VPS13D: variants seen among roughly 807,000 people sequenced by gnomAD.
VPS13D encodes vacuolar protein sorting 13 homolog D.
In VPS13D, 187 loss-of-function variants were observed where a neutral mutation model predicts 461.9. That is an observed-to-expected ratio of 0.40 (90% CI 0.36 to 0.46). The LOEUF is 0.46. Among genes scored for constraint, VPS13D ranks in the 20% least tolerant of loss-of-function variants. The pLI is 0.60. For synonymous variants in VPS13D, 1,951 were observed against 1,986.3 expected, an observed-to-expected ratio of 0.98 and a Z score of 0.47; for missense variants, 4,711 against 5,364.9, an observed-to-expected ratio of 0.88 and a Z score of 3.81.
In VPS13D at chr1:12,267,861, G is replaced by C; in HGVS notation, c.1742G>C (p.Arg581Thr). Residue 581 changes from arginine (R) to threonine (T), a missense_variant, in exon 15 of 70, where the codon AGA becomes ACA. Physicochemically the swap from Arg to Thr is moderately conservative, Grantham distance 71. Transcript: ENST00000620676. ...GTTTAATAGCAAAAAGAAGTTGGCA[G>C]AGTCTCACAATCTTTTGGTCTACAA... is the stretch of plus-strand genomic sequence containing the variant. The part of the protein sequence containing the change: ...VFPNPQKEVG[R>T]VSQSFGLQTT... 1 of 1,614,190 alleles carries C rather than the reference G, an allele frequency of 6.2e-7. No individual in the cohort carries two copies. The highest frequency in any genetic ancestry group is 8.5e-7 in the Non-Finnish European group (1 of 1,180,004).
intron 11 of VPS13D, 25 bp downstream of exon 11, chr1:12,260,819 T>G: frequency 6.2e-7 from 1 of 1,613,122 alleles, no homozygotes; most frequent in Non-Finnish European, 8.5e-7. Flanking sequence ...ACAAGAGGAT[T>G]TGTTCAGACC....
chr1:12,385,071 A>G (rs1443413691), intron 58 of VPS13D, among the ~76,000 whole-genome samples, 189 bp from the exon 59 acceptor site: 2 of 152,258 alleles, frequency 1.3e-5, no homozygotes, highest in Non-Finnish European at 2.9e-5. Context: ...TGAGTTTGCC[A>G]TGCAGACTTG....
intron 14 of VPS13D, 23 bp from the exon 15 acceptor site, chr1:12,267,822 A>G (rs1173223339): frequency 1.9e-6 from 3 of 1,612,874 alleles, no homozygotes; most frequent in Admixed American, 1.7e-5. Flanking sequence ...ACGTTTACGC[A>G]TTTTTGTGTG....
intron 21 of VPS13D, among the ~76,000 whole-genome samples, chr1:12,287,263 C>T (rs947291358): frequency 3.9e-5 from 6 of 152,220 alleles, no homozygotes; most frequent in African/African-American, 1.4e-4. Context: ...GAGTTCCCCC[C>T]ACAAAGTCAT....
chr1:12,249,323 A>T lies in VPS13D; in HGVS notation c.548A>T (p.Asn183Ile). The T allele has an allele frequency of 6.2e-7, 1 of 1,613,252 alleles. No homozygotes were observed. Among genetic ancestry groups the T allele is most frequent in the Non-Finnish European group, 8.5e-7 (1 of 1,179,586 alleles). ...TGCATTAAGAATGTGTCCATGCAAA[A>T]TGCTGTGAATGAGCCTGTGAGTATG... Reference protein sequence around the residue: ...GICIKNVSMQNAVNEPVQKLM... With the variant: ...GICIKNVSMQIAVNEPVQKLM... Residue 183 changes from asparagine to isoleucine, a missense_variant, in exon 6 of 70, where the codon AAT becomes ATT. By Grantham distance (149) the Asn-to-Ile change is moderately radical (BLOSUM62 -3). Coordinates refer to ENST00000620676, the MANE Select transcript of VPS13D (RefSeq NM_015378.4).
At chr1:12,417,014 T>C (rs1003265273) in intron 65 of VPS13D, among the ~76,000 whole-genome samples, 187 bp downstream of exon 65, 1 of 152,160 alleles carries the variant, frequency 6.6e-6, no homozygotes, top group African/African-American at 2.4e-5. Context: ...ACCTCTGAAA[T>C]ACCTCTTCCT....
rs115901386 is a variant in VPS13D, at chr1:12,450,038, G to A, written c.12334-5960G>A. On this transcript the variant is annotated intron_variant, in intron 65 of 69. Coordinates refer to ENST00000620676, the MANE Select transcript of VPS13D (RefSeq NM_015378.4). ...TACGGGAGGCTGAGGCATGAGAACC[G>A]CTTGAACCCAGGAGGTGGAGGTTGC... Among the ~76,000 whole-genome samples the A allele has an allele frequency of 6.1e-3, 927 of 152,178 alleles. 5 individuals carry two copies. The highest frequency in any genetic ancestry group is 0.01 in the Non-Finnish European group (706 of 68,000).
intron 52 of VPS13D, among the ~76,000 whole-genome samples, chr1:12,365,443 C>T (rs1455205367): frequency 6.6e-6 from 1 of 152,136 alleles, no homozygotes; most frequent in Non-Finnish European, 1.5e-5. Context: ...TGGTGGCTCA[C>T]GCCTGTAATC....
Position 12,370,390 on chromosome 1 carries a change from A to T in VPS13D, c.10808+688A>T, listed in dbSNP as rs79718316. The stretch of plus-strand genomic sequence containing the variant: ...TCTGTGAAGAAATGGAAAATAGCTT[A>T]ATCTTTAACATTACAAATATAAATC... On this transcript the variant is annotated intron_variant, in intron 54 of 69. Coordinates refer to ENST00000620676, the MANE Select transcript of VPS13D (RefSeq NM_015378.4). Among the ~76,000 whole-genome samples the T allele has an allele frequency of 2.0e-5, 3 of 152,384 alleles. No homozygotes were observed. In the South Asian group the frequency reaches 6.2e-4, roughly 32 times the overall value.
At chr1:12,320,315 G>A (rs980861736) in intron 32 of VPS13D, among the ~76,000 whole-genome samples, 3 of 152,188 alleles carry the variant, frequency 2.0e-5, no homozygotes, top group African/African-American at 4.8e-5. Context: ...AAGGGGAATC[G>A]TGGCAGGTTC....
At chr1:12,479,042 G>A (rs1645675533) in intron 67 of VPS13D, among the ~76,000 whole-genome samples, 1 of 152,194 alleles carries the variant, frequency 6.6e-6, no homozygotes, top group Non-Finnish European at 1.5e-5. Context: ...TGGCCTGTGA[G>A]CCCAGAGTTC....
In VPS13D at chr1:12,401,761, G is replaced by T. The variant is rs192390519; in HGVS notation, c.11881+57G>T. On this transcript the variant is annotated intron_variant, in intron 62 of 69. Transcript: ENST00000620676. ...GAATTGGTCCAAAGATGGTATTTTT[G>T]AGTCTGTTTGTAAAAATAGGTAGCC... 6.2e-5 allele frequency: 91 copies of T among 1,458,744 alleles called. 1 individual carries two copies. The East Asian group carries it at 2.0e-3, about 32-fold the overall frequency. 90.4% of individuals were successfully genotyped at this position (1,458,744 alleles called of 1,614,324 possible). A position where few individuals can be genotyped will look rare whatever the true frequency, so the allele number is the denominator to read the frequency against.
At chr1:12,349,426 T>C (rs542022576) in intron 46 of VPS13D, 52 bp downstream of exon 46, 2 of 1,523,058 alleles carry the variant, frequency 1.3e-6, no homozygotes, top group East Asian at 2.3e-5. Context: ...TTTTTTCTTT[T>C]GGAATGACTA....
chr1:12,241,444 G>T (rs1391275760), intron 2 of VPS13D, among the ~76,000 whole-genome samples: 1 of 152,242 alleles, frequency 6.6e-6, no homozygotes, highest in Non-Finnish European at 1.5e-5. Flanking sequence ...ATTGCCTTGT[G>T]TCTCGCAAAC....
At chr1:12,420,640 C>T (rs1028039563) in intron 65 of VPS13D, among the ~76,000 whole-genome samples, 1 of 152,146 alleles carries the variant, frequency 6.6e-6, no homozygotes, top group Non-Finnish European at 1.5e-5. Context: ...ATTCTTGCCT[C>T]CAAAGATTGT....
intron 66 of VPS13D, among the ~76,000 whole-genome samples, chr1:12,456,608 A>G (rs943271091): frequency 5.0e-5 from 7 of 138,976 alleles, no homozygotes; most frequent in African/African-American, 1.9e-4. Flanking sequence ...ACTGCACTCC[A>G]GCCTGGCAAC....
At chr1:12,405,021 C>T (rs1056447232) in intron 63 of VPS13D, among the ~76,000 whole-genome samples, 3 of 152,198 alleles carry the variant, frequency 2.0e-5, no homozygotes, top group South Asian at 2.1e-4. Context: ...CATCTTGCTG[C>T]GCAGAAACAG....
rs1644306760 is a variant in VPS13D at position 12,383,273 on chromosome 1, T to C, written c.11370+118T>C. On this transcript the variant is annotated intron_variant, in intron 58 of 69. Transcript: ENST00000620676. ...TGCCAGATATGAAGATATGGTATCT[T>C]CATCTGTAAAATGGGGATAGGATCT... 6 of 1,086,212 alleles carry C rather than the reference T, an allele frequency of 5.5e-6. No homozygotes were observed. The South Asian group carries it at 9.4e-5, about 17-fold the overall frequency. 67.3% of individuals were successfully genotyped at this position (1,086,212 alleles called of 1,614,324 possible).
At chr1:12,458,029 T>C (rs1645353338) in intron 66 of VPS13D, among the ~76,000 whole-genome samples, 1 of 152,210 alleles carries the variant, frequency 6.6e-6, no homozygotes, top group African/African-American at 2.4e-5. Context: ...AGCATGGCTC[T>C]CCTCACTTTC....
Sources: gnomAD v4.1 joint callset for allele counts (sites outside exome capture counted in the v4.1 genomes callset) on GRCh38, gnomAD v4.1.1 for gene constraint, MANE v1.5 for transcripts, NCBI Gene and HGNC (gene_info 2026-07-23, HGNC 2026-07-21) for gene names.